The following SRBD1 variants were observed in gnomAD, a reference collection of about 807,000 sequenced individuals.
The protein encoded by SRBD1 is S1 RNA binding domain 1.
SRBD1 carries 88 observed loss-of-function variants against 115.3 expected under a neutral mutation model. That is an observed-to-expected ratio of 0.76 (90% CI 0.64 to 0.91). SRBD1 has a LOEUF of 0.91. Among genes scored for constraint, SRBD1 ranks in the 40% least tolerant of loss-of-function variants. The pLI is 0.00. For synonymous variants in SRBD1, 509 were observed against 407.7 expected, an observed-to-expected ratio of 1.25 and a Z score of -2.99; for missense variants, 1,385 against 1,177.4, an observed-to-expected ratio of 1.18 and a Z score of -2.58.
At chr2:45,550,239 T>G (rs1672253733) in intron 12 of SRBD1, among the ~76,000 whole-genome samples, 1 of 151,930 alleles carries the variant, frequency 6.6e-6, no homozygotes, top group South Asian at 2.1e-4. Context: ...GAGAAGAAAC[T>G]GAAAGGTATA....
In SRBD1 at chr2:45,528,602, C is replaced by G. The variant is rs143725118; in HGVS notation, c.1874+18130G>C. Among the ~76,000 whole-genome samples, 31 of 152,014 alleles carry G rather than the reference C, an allele frequency of 2.0e-4. 1 individual carries two copies. Among genetic ancestry groups the G allele is most frequent in the South Asian group, 1.0e-3 (5 of 4,826 alleles). On this transcript the variant is annotated intron_variant, in intron 14 of 20. Coordinates refer to ENST00000263736, the MANE Select transcript of SRBD1 (RefSeq NM_018079.5). Reference sequence around the variant, plus strand: ...TAGAGACTAGCATAAGCCACTGAATCTGAGTCCATGTCTCTGGTGAGAACT... The same window carrying G: ...TAGAGACTAGCATAAGCCACTGAATGTGAGTCCATGTCTCTGGTGAGAACT...
At chr2:45,595,312 G>C (rs1190354525) in intron 4 of SRBD1, among the ~76,000 whole-genome samples, 1 of 152,206 alleles carries the variant, frequency 6.6e-6, no homozygotes, top group Non-Finnish European at 1.5e-5. Context: ...CCAAGGCCAT[G>C]GGGAATAGTA....
chr2:45,414,632 A>G (rs953148239), intron 18 of SRBD1, among the ~76,000 whole-genome samples: 2 of 128,266 alleles, frequency 1.6e-5, no homozygotes, highest in Admixed American at 7.4e-5. Flanking sequence ...CATAGTGTGT[A>G]TATAGTGTGT....
At chr2:45,545,063 G>A (rs1006999292) in intron 14 of SRBD1, among the ~76,000 whole-genome samples, 4 of 151,724 alleles carry the variant, frequency 2.6e-5, no homozygotes, top group Non-Finnish European at 5.9e-5. Context: ...GGCGGATCAC[G>A]AGGTTAAGAG....
At chr2:45,401,996 T>G (rs1667304074) in intron 19 of SRBD1, among the ~76,000 whole-genome samples, 1 of 152,158 alleles carries the variant, frequency 6.6e-6, no homozygotes, top group Non-Finnish European at 1.5e-5. Flanking sequence ...GCTAAATCCT[T>G]GAACAGGAAT....
chr2:45,468,651 G>A (rs1669562752), intron 16 of SRBD1, among the ~76,000 whole-genome samples: 3 of 152,086 alleles, frequency 2.0e-5, no homozygotes, highest in Non-Finnish European at 2.9e-5. Flanking sequence ...GCCTCCCAAA[G>A]TGTTGGGATT....
intron 15 of SRBD1, among the ~76,000 whole-genome samples, chr2:45,487,012 G>C (rs1205012246): frequency 6.6e-6 from 1 of 152,114 alleles, no homozygotes; most frequent in South Asian, 2.1e-4. Context: ...CTAAGAAGCA[G>C]CTTCCCAGGA....
chr2:45,520,670 G>A (rs1037638639), intron 14 of SRBD1, among the ~76,000 whole-genome samples: 33 of 146,414 alleles, frequency 2.3e-4, no homozygotes, highest in African/African-American at 4.6e-4. Context: ...GCAGAATGGC[G>A]CAGCAGAGAA....
At chr2:45,542,728 T>C (rs1314229427) in intron 14 of SRBD1, among the ~76,000 whole-genome samples, 1 of 152,242 alleles carries the variant, frequency 6.6e-6, no homozygotes, top group Non-Finnish European at 1.5e-5. Flanking sequence ...TGACAGCATA[T>C]ATCCATACAG....
In SRBD1 at chr2:45,573,326, C is replaced by T. The variant is rs142337283; in HGVS notation, c.1186G>A (p.Val396Ile). Residue 396 changes from valine (V) to isoleucine (I), a missense_variant, in exon 9 of 21, where the codon GTT becomes ATT. Transcript: ENST00000263736. Reference sequence around the variant, plus strand: ...TTTGCCAGAGATGACTGGATACAAACATGTCTCTTCTGGCACCTGTTCAGA... The same window carrying T: ...TTTGCCAGAGATGACTGGATACAAATATGTCTCTTCTGGCACCTGTTCAGA... ...FIRNLCQKRH[V>I]CIQSSLAKVS... 7.4e-5 allele frequency: 119 copies of T among 1,609,856 alleles called. No homozygotes were observed. Among genetic ancestry groups the T allele is most frequent in the Non-Finnish European group, 1.4e-5 (17 of 1,178,718 alleles).
intron 14 of SRBD1, among the ~76,000 whole-genome samples, chr2:45,524,114 T>C (rs545311628): frequency 1.0e-3 from 155 of 152,082 alleles, no homozygotes; most frequent in South Asian, 2.7e-3. Flanking sequence ...CTTTTCATGA[T>C]AGAAATACTC....
intron 16 of SRBD1, among the ~76,000 whole-genome samples, chr2:45,430,029 C>A (rs937069049): frequency 6.6e-6 from 1 of 152,132 alleles, no homozygotes; most frequent in Non-Finnish European, 1.5e-5. Flanking sequence ...AGTGAACTCC[C>A]ATTCACAATT....
chr2:45,609,557 G>C (rs773090980), intron 1 of SRBD1, among the ~76,000 whole-genome samples: 30 of 152,088 alleles, frequency 2.0e-4, no homozygotes, highest in Non-Finnish European at 3.7e-4. Flanking sequence ...TTTTTATGAG[G>C]CCTTTGAAAA....
chr2:45,473,925 T>C (rs1440841128), intron 16 of SRBD1, among the ~76,000 whole-genome samples: 1 of 152,230 alleles, frequency 6.6e-6, no homozygotes, highest in Non-Finnish European at 1.5e-5. Flanking sequence ...CGCTGAAGGT[T>C]TAGAACGTCC....
At chr2:45,601,087 T>G (rs1384101806) in intron 3 of SRBD1, among the ~76,000 whole-genome samples, 5 of 152,160 alleles carry the variant, frequency 3.3e-5, no homozygotes, top group Non-Finnish European at 7.3e-5. Context: ...AATTGACATA[T>G]CTAAAGAAAG....
chr2:45,497,481 G>C (rs572323490), intron 14 of SRBD1, among the ~76,000 whole-genome samples: 31 of 152,206 alleles, frequency 2.0e-4, no homozygotes, highest in African/African-American at 7.2e-4. Flanking sequence ...GCCTACATCA[G>C]AATTAGCTGG....
At chr2:45,467,151 G>A (rs1159933642) in intron 16 of SRBD1, among the ~76,000 whole-genome samples, 2 of 152,154 alleles carry the variant, frequency 1.3e-5, no homozygotes, top group African/African-American at 4.8e-5. Flanking sequence ...CTAGCATATT[G>A]TCAGATGATA....
rs552695967 is a variant in SRBD1, at chr2:45,485,882, G to C, written c.1966+2358C>G. 5.4e-4 allele frequency among the ~76,000 whole-genome samples: 82 copies of C among 152,260 alleles called. 2 individuals are homozygous for C. In the South Asian group the frequency reaches 0.017, roughly 32 times the overall value. On this transcript the variant is annotated intron_variant, in intron 15 of 20. Coordinates refer to ENST00000263736, the MANE Select transcript of SRBD1 (RefSeq NM_018079.5). ...AAGAAAGTGGACTCTGGAAAACCAA[G>C]AGTAGAGACTCCAAGCTCTTTGAAT...
chr2:45,587,725 G>C (rs556873018), intron 4 of SRBD1, among the ~76,000 whole-genome samples: 64 of 152,190 alleles, frequency 4.2e-4, no homozygotes, highest in African/African-American at 1.3e-3. Flanking sequence ...CACCCATTCT[G>C]ATGGATTAAT....
Sources: allele counts gnomAD v4.1 joint callset (sites outside exome capture counted in the v4.1 genomes callset), GRCh38; gene constraint gnomAD v4.1.1; transcripts MANE v1.5; gene names NCBI Gene and HGNC (gene_info 2026-07-23, HGNC 2026-07-21).